Variants in ITIH1 observed in about 807,000 individuals in gnomAD.
ITIH1 encodes inter-alpha-trypsin inhibitor heavy chain 1, also known as inter-alpha-trypsin inhibitor heavy chain H1.
ITIH1 carries 94 observed loss-of-function variants against 104.6 expected under a neutral mutation model. The observed-to-expected ratio is 0.90, with a 90% CI of 0.76 to 1.07. The LOEUF (loss-of-function observed/expected upper bound fraction) is 1.07. Ranked by LOEUF, ITIH1 falls within the 50% of genes least tolerant of loss-of-function variation. ITIH1 has a pLI of 0.00. For synonymous variants in ITIH1, 455 were observed against 464.4 expected (o/e 0.98, Z 0.26); for missense variants, 1,193 against 1,181.4 (o/e 1.01, Z -0.14).
At position 52,782,372 on chromosome 3, in the gene ITIH1, T is replaced by C. The variant is rs1578732839; in HGVS notation, c.930+105T>C. 5.9e-6 allele frequency: 5 copies of C among 848,110 alleles called. No individual in the cohort carries two copies. The East Asian group carries it at 7.3e-5, about 12-fold the overall frequency. The allele number at this position is 848,110 out of a possible 1,614,324, so 52.5% of individuals were successfully genotyped here. A position where few individuals can be genotyped will look rare whatever the true frequency, so the allele number is the denominator to read the frequency against. On this transcript the variant is annotated intron_variant, in intron 8 of 21. Transcript: ENST00000273283. ...GAGTCTGGTTTGGGATTTATCCTCC[T>C]GGTCAGAGGCAGAGTGATTTAACAG...
At position 52,785,097 on chromosome 3, in the gene ITIH1, C is replaced by A. The variant is rs1204892273; in HGVS notation, c.1461C>A (p.Tyr487Ter). The part of the protein sequence containing the change: ...KPLLVDVDLQ[Y>*]PQDAVLALTQ... Reference sequence around the variant, plus strand: ...TGCTGGTGGATGTGGATTTGCAGTACCCCCAGGATGCTGTCTTGGCCCTGA... The same window carrying A: ...TGCTGGTGGATGTGGATTTGCAGTAACCCCAGGATGCTGTCTTGGCCCTGA... The change falls in exon 12 of 22, where the codon TAC becomes TAA. Residue 487 changes from tyrosine (Y) to a stop codon, truncating the protein, a stop_gained. Coordinates refer to ENST00000273283, the MANE Select transcript of ITIH1 (RefSeq NM_002215.4). LOFTEE classifies it high-confidence loss of function. The A allele has an allele frequency of 1.9e-6, 3 of 1,613,944 alleles. No homozygotes were observed. The highest frequency in any genetic ancestry group is 1.3e-5 in the African/African-American group (1 of 74,876).
At position 52,778,446 on chromosome 3, in the gene ITIH1, C is replaced by T; in HGVS notation, c.245C>T (p.Ala82Val). ...TSQVVNTANEAREVAFDLEIP... is the reference protein window; with the variant it reads ...TSQVVNTANEVREVAFDLEIP... ...CAAGTGGTCAACACTGCCAATGAAGCCAGGGAAGTGGCCTTCGACCTGGAA... is the reference window on the plus strand; with the variant it reads ...CAAGTGGTCAACACTGCCAATGAAGTCAGGGAAGTGGCCTTCGACCTGGAA... Residue 82 changes from alanine (A) to valine (V), a missense_variant, in exon 3 of 22, where the codon GCC becomes GTC. Coordinates refer to ENST00000273283, the MANE Select transcript of ITIH1 (RefSeq NM_002215.4). 6.2e-7 allele frequency: 1 copy of T among 1,614,228 alleles called. No homozygotes were observed. The highest frequency in any genetic ancestry group is 2.2e-5 in the East Asian group (1 of 44,890).
At chr3:52,785,714 G>C (rs1446675780) in intron 12 of ITIH1, among the ~76,000 whole-genome samples, 1 of 152,232 alleles carries the variant, frequency 6.6e-6, no homozygotes, top group Non-Finnish European at 1.5e-5. Context: ...CTCAGGCTTT[G>C]AGTAAGGAGA....
chr3:52,791,362 G>A (rs1365428206), intron 20 of ITIH1, among the ~76,000 whole-genome samples, 155 bp from the exon 21 acceptor site: 1 of 152,112 alleles, frequency 6.6e-6, no homozygotes, highest in Non-Finnish European at 1.5e-5. Flanking sequence ...GTGAACCAAA[G>A]GTAGCTTTTC....
chr3:52,778,377 A>T lies in ITIH1; in HGVS notation c.176A>T (p.Asn59Ile), dbSNP rs1486817283. The change falls in exon 3 of 22, where the codon AAC becomes ATC. Residue 59 changes from asparagine (N) to isoleucine (I), a missense_variant. Coordinates refer to ENST00000273283, the MANE Select transcript of ITIH1 (RefSeq NM_002215.4). ...DGVFIRSLKV[N>I]CKVTSRFAHY... ...GTGTTCATCCGGAGTTTGAAAGTCA[A>T]CTGCAAAGTCACCTCTCGCTTCGCC... The T allele has an allele frequency of 2.2e-5, 36 of 1,614,216 alleles. No homozygotes were observed. Among genetic ancestry groups the T allele is most frequent in the Non-Finnish European group, 3.0e-5 (35 of 1,180,030 alleles).
chr3:52,782,191 A>G lies in ITIH1; in HGVS notation c.854A>G (p.Asn285Ser). ...NHFAHFFAPQ[N>S]LTNMNKNVVF... The stretch of plus-strand genomic sequence containing the variant: ...TTTGCCCACTTCTTTGCCCCCCAAA[A>G]CCTGACAAACATGAACAAGAACGTG... Residue 285 changes from asparagine to serine, a missense_variant, in exon 8 of 22, where the codon AAC becomes AGC. By Grantham distance (46) the Asn-to-Ser change is conservative. Coordinates refer to ENST00000273283, the MANE Select transcript of ITIH1 (RefSeq NM_002215.4). 1.2e-6 allele frequency: 2 copies of G among 1,614,098 alleles called. No individual in the cohort carries two copies. The highest frequency in any genetic ancestry group is 1.7e-6 in the Non-Finnish European group (2 of 1,180,020).
chr3:52,785,311 TC>T, intron 12 of ITIH1, 82 bp downstream of exon 12: 1 of 1,372,502 alleles, frequency 7.3e-7, no homozygotes, highest in Non-Finnish European at 1.0e-6. Context: ...ATTCCTGCCA[TC>T]CCCCAGAGGC....
rs1699211871 is a variant in ITIH1, at chr3:52,786,672, C to T, written c.1733+238C>T. Among the ~76,000 whole-genome samples the T allele has an allele frequency of 3.3e-5, 5 of 152,220 alleles. No homozygotes were observed. The South Asian group carries it at 6.2e-4, about 19-fold the overall frequency. ...CACACAGAGGCTCAGCGAGGTTAGA[C>T]CTCTTGACCCAGATCTCACAGCTGT... On this transcript the variant is annotated intron_variant, in intron 13 of 21. Transcript: ENST00000273283.
chr3:52,788,001 C>T lies in ITIH1; in HGVS notation c.1940C>T (p.Ala647Val). 6.2e-7 allele frequency: 1 copy of T among 1,613,718 alleles called. No individual in the cohort carries two copies. The highest frequency in any genetic ancestry group is 8.5e-7 in the Non-Finnish European group (1 of 1,179,786). The change falls in exon 17 of 22, where the codon GCC becomes GTC. Residue 647 changes from alanine (A) to valine (V), a missense_variant. Ala to Val is a moderately conservative substitution (Grantham distance 64). Transcript: ENST00000273283. Reference protein sequence around the residue: ...LGPRRTFVLSALQPSPTHSSS... With the variant: ...LGPRRTFVLSVLQPSPTHSSS... ...CTCCCATCAGCGTTCGTGCTGTCAG[C>T]CTTGCAGCCTTCTCCTACTCATTCC...
chr3:52,784,043 T>C (rs889111676), intron 10 of ITIH1, among the ~76,000 whole-genome samples: 4 of 152,042 alleles, frequency 2.6e-5, no homozygotes, highest in African/African-American at 7.3e-5. Context: ...AAAGGAGCCA[T>C]GGCAGGATTT....
rs1699010943 is a variant in ITIH1, at chr3:52,780,531, T to C, written c.687+149T>C. On this transcript the variant is annotated intron_variant, in intron 6 of 21. Coordinates refer to ENST00000273283, the MANE Select transcript of ITIH1 (RefSeq NM_002215.4). ...AGAGAAGCTGGTGTCATGTGATTGG[T>C]GCCTAGGAGAACTCAGCTATCCTGG... The C allele has an allele frequency of 4.9e-6, 3 of 614,188 alleles. No homozygotes were observed. The Admixed American group carries it at 9.1e-5, about 19-fold the overall frequency. The allele number at this position is 614,188 out of a possible 1,614,324, so 38.0% of individuals were successfully genotyped here.
intron 5 of ITIH1, chr3:52,780,060 G>T (rs1698995247): frequency 9.1e-7 from 1 of 1,099,288 alleles, no homozygotes; most frequent in Non-Finnish European, 1.3e-6. Context: ...ACAGTAGGTG[G>T]CCAGGACACA....
In ITIH1 at chr3:52,789,646, A is replaced by G; in HGVS notation, c.2120-7A>G. The G allele has an allele frequency of 6.2e-7, 1 of 1,613,982 alleles. No homozygotes were observed. The highest frequency in any genetic ancestry group is 8.5e-7 in the Non-Finnish European group (1 of 1,179,930). On this transcript the variant is annotated splice_region_variant and splice_polypyrimidine_tract_variant and intron_variant, in intron 18 of 21. Transcript: ENST00000273283. ...CCCAACCCGGATGCCCTCTTGCTCC[A>G]TTGCAGGCTTCTCAGTGAATGGACA...
intron 20 of ITIH1, 72 bp downstream of exon 20, chr3:52,790,993 A>G (rs1699342093): frequency 6.8e-7 from 1 of 1,479,108 alleles, no homozygotes; most frequent in Admixed American, 2.3e-5. Flanking sequence ...ACCTGGGGCC[A>G]CCGGTCAGTT....
chr3:52,790,639 C>T (rs1699328280), intron 19 of ITIH1, 110 bp from the exon 20 acceptor site: 2 of 1,085,104 alleles, frequency 1.8e-6, no homozygotes, highest in Non-Finnish European at 2.7e-6. Flanking sequence ...GGATGAAGGC[C>T]ATGGGGTGGG....
chr3:52,790,237 G>A (rs535311057), intron 19 of ITIH1: 1 of 308,948 alleles, frequency 3.2e-6, no homozygotes, highest in Non-Finnish European at 6.1e-6. Flanking sequence ...AGTCTGCATT[G>A]TCTCATGACT....
chr3:52,790,268 GTTCATTCATTCA>G, intron 19 of ITIH1: 1 of 249,700 alleles, frequency 4.0e-6, no homozygotes, highest in Non-Finnish European at 7.8e-6. Context: ...TTACTAATTC[GTTCATTCATTCA>G]TTCATTCATT....
At position 52,785,227 on chromosome 3, in the gene ITIH1, G is replaced by A; in HGVS notation, c.1591G>A (p.Gly531Arg). ...CTTCAAGGCTGATGTGCAGGCCCAT[G>A]GGGTAAATGGTGGGCCATGGAGGGT... The part of the protein sequence containing the change: ...SSFKADVQAH[G>R]EGQEFSITCL... The change falls in exon 12 of 22, where the codon GGG becomes AGG. Residue 531 changes from glycine (G) to arginine (R), a missense_variant and splice_region_variant. Coordinates refer to ENST00000273283, the MANE Select transcript of ITIH1 (RefSeq NM_002215.4). 1.2e-6 allele frequency: 2 copies of A among 1,613,816 alleles called. No homozygotes were observed. The highest frequency in any genetic ancestry group is 1.7e-6 in the Non-Finnish European group (2 of 1,179,808).
At chr3:52,780,441 C>G in intron 6 of ITIH1, 59 bp downstream of exon 6, 2 of 1,182,598 alleles carry the variant, frequency 1.7e-6, no homozygotes, top group Non-Finnish European at 2.5e-6. Flanking sequence ...AGCCTGCCCA[C>G]CCCTTATGGA....
Sources: allele counts gnomAD v4.1 joint callset (sites outside exome capture counted in the v4.1 genomes callset), GRCh38; gene constraint gnomAD v4.1.1; transcripts MANE v1.5; gene names NCBI Gene and HGNC (gene_info 2026-07-23, HGNC 2026-07-21).